Variants in NUP160 observed in about 807,000 individuals in gnomAD.
NUP160 encodes nucleoporin 160.
Under a neutral mutation model 196.9 loss-of-function variants are expected in NUP160, and 94 were observed. That is an observed-to-expected ratio of 0.48 (90% CI 0.40 to 0.57). The LOEUF (loss-of-function observed/expected upper bound fraction) is 0.57, where lower values mean the gene tolerates loss of function less well. Among genes scored for constraint, NUP160 ranks in the 20% least tolerant of loss-of-function variants. The pLI is 0.00. For synonymous variants in NUP160, 605 were observed against 619.7 expected (o/e 0.98, Z 0.35); for missense variants, 1,638 against 1,748.3 (o/e 0.94, Z 1.13).
exon 36 of NUP160, chr11:47,778,834 T>C (rs2097658994): frequency 3.7e-6 from 1 of 272,976 alleles, no homozygotes; most frequent in Non-Finnish European, 7.0e-6. Context: ...TTCGGTAGTT[T>C]AAAAAAATAT....
chr11:47,803,453 T>G, exon 22 of NUP160: 1 of 1,602,524 alleles, frequency 6.2e-7, no homozygotes, highest in Non-Finnish European at 8.6e-7. Context: ...GTCCTTCTCC[T>G]GTAACTAGGT....
intron 2 of NUP160, among the ~76,000 whole-genome samples, chr11:47,843,885 T>G (rs1465649030): frequency 6.6e-6 from 1 of 152,248 alleles, no homozygotes; most frequent in Non-Finnish European, 1.5e-5. Flanking sequence ...TCCTGACTAC[T>G]GTCTCAACAC....
chr11:47,841,426 T>A, intron 2 of NUP160: 1 of 453,708 alleles, frequency 2.2e-6, no homozygotes, highest in Non-Finnish European at 4.2e-6. Flanking sequence ...CTCCACTTGG[T>A]TCACAGGCGC....
Position 47,788,177 on chromosome 11 carries a change from C to A in NUP160, c.3746+5G>T. The A allele has an allele frequency of 1.9e-6, 3 of 1,606,054 alleles. No homozygotes were observed. The highest frequency in any genetic ancestry group is 1.7e-6 in the Non-Finnish European group (2 of 1,176,112). On this transcript the variant is annotated splice_donor_5th_base_variant and intron_variant, in intron 31 of 35. Coordinates refer to ENST00000378460, the Ensembl canonical transcript of NUP160. Reference sequence around the variant, plus strand: ...AAGACTATAAAAAAATAATTTTATACATACTTGAAGGCAAGCCCTTCAAAG... The same window carrying A: ...AAGACTATAAAAAAATAATTTTATAAATACTTGAAGGCAAGCCCTTCAAAG...
Position 47,840,084 on chromosome 11 carries a change from G to T in NUP160, c.526-19C>A, listed in dbSNP as rs1268830731. 6 of 1,566,988 alleles carry T rather than the reference G, an allele frequency of 3.8e-6. No individual in the cohort carries two copies. Among genetic ancestry groups the T allele is most frequent in the Non-Finnish European group, 5.3e-6 (6 of 1,139,394 alleles). ...CCAACTCCTGTTGAGTAATTAAAAA[G>T]AAAAATCTATTAAATCAAAATAACC... On this transcript the variant is annotated intron_variant, in intron 3 of 35. Transcript: ENST00000378460.
chr11:47,833,730 G>A (rs1239901121), intron 7 of NUP160, among the ~76,000 whole-genome samples: 2 of 152,130 alleles, frequency 1.3e-5, no homozygotes, highest in South Asian at 2.1e-4. Context: ...CTGGGAGGCC[G>A]AAGTGGGCAG....
chr11:47,803,366 G>A, intron 22 of NUP160, 72 bp downstream of exon 22: 1 of 909,302 alleles, frequency 1.1e-6, no homozygotes, highest in Non-Finnish European at 1.8e-6. Flanking sequence ...CTAAAACCTA[G>A]TCAAATGGAA....
chr11:47,827,748 A>G (rs1386541293), intron 7 of NUP160, among the ~76,000 whole-genome samples: 2 of 152,044 alleles, frequency 1.3e-5, no homozygotes, highest in Non-Finnish European at 2.9e-5. Context: ...TCTATTCAAC[A>G]TTGTACTAGA....
At chr11:47,847,954 C>T in exon 2 of NUP160, 1 of 1,613,494 alleles carries the variant, frequency 6.2e-7, no homozygotes, top group African/African-American at 1.3e-5. Flanking sequence ...ACGGCATTTG[C>T]AGTCCCTGCA....
Position 47,831,894 on chromosome 11 carries a change from C to CTTTTTTTTTTTTTTT in NUP160, c.1101+3742_1101+3756dup, listed in dbSNP as rs554204043. ...GAGACAGATCTGATCTAATAAATTC[C>CTTTTTTTTTTTTTTT]TTTTTTTTTTTTTTTTTTTTTTTTT... is the stretch of plus-strand genomic sequence containing the variant. On this transcript the variant is annotated intron_variant, in intron 7 of 35. Transcript: ENST00000378460. Among the ~76,000 whole-genome samples, 50 of 69,982 alleles carry CTTTTTTTTTTTTTTT rather than the reference C, an allele frequency of 7.1e-4. 2 individuals are homozygous for CTTTTTTTTTTTTTTT. Among genetic ancestry groups the CTTTTTTTTTTTTTTT allele is most frequent in the African/African-American group, 3.1e-3 (50 of 16,194 alleles). The allele number at this position is 69,982 out of a possible 152,430, so 45.9% of individuals were successfully genotyped here. A position where few individuals can be genotyped will look rare whatever the true frequency, so the allele number is the denominator to read the frequency against.
chr11:47,828,156 A>G (rs1837752760), intron 7 of NUP160, among the ~76,000 whole-genome samples: 1 of 152,230 alleles, frequency 6.6e-6, no homozygotes, highest in African/African-American at 2.4e-5. Flanking sequence ...GGTGTGAGCC[A>G]TTGTAATCAA....
chr11:47,806,146 A>T lies in NUP160; in HGVS notation c.2606+7T>A. 6.2e-7 allele frequency: 1 copy of T among 1,613,358 alleles called. No homozygotes were observed. The highest frequency in any genetic ancestry group is 8.5e-7 in the Non-Finnish European group (1 of 1,179,380). On this transcript the variant is annotated splice_region_variant and intron_variant, in intron 20 of 35. Transcript: ENST00000378460. ...AGCTTTTCACTGGCTTCTAAATAAA[A>T]GGATACAAAAGCTGCAATAAATAAC...
chr11:47,782,805 C>A (rs141085815), intron 34 of NUP160, among the ~76,000 whole-genome samples: 6 of 151,978 alleles, frequency 3.9e-5, no homozygotes, highest in African/African-American at 7.3e-5. Flanking sequence ...ATTACAGGTA[C>A]GTGCCACTGC....
In NUP160 at chr11:47,792,239, T is replaced by C. The variant is rs374037439; in HGVS notation, c.3451-249A>G. The stretch of plus-strand genomic sequence containing the variant: ...GGATTTGATCTCCATGTAAATCAAC[T>C]AATTTTTCTCGGCTCCAGAGTTATA... On this transcript the variant is annotated intron_variant, in intron 28 of 35. Coordinates refer to ENST00000378460, the Ensembl canonical transcript of NUP160. 8 of 405,270 alleles carry C rather than the reference T, an allele frequency of 2.0e-5. 1 individual carries two copies. The East Asian group carries it at 2.2e-4, about 11-fold the overall frequency. The allele number at this position is 405,270 out of a possible 1,614,324, so 25.1% of individuals were successfully genotyped here. A position where few individuals can be genotyped will look rare whatever the true frequency, so the allele number is the denominator to read the frequency against.
chr11:47,819,526 A>T, intron 9 of NUP160, 68 bp from the exon 10 acceptor site: 1 of 1,121,346 alleles, frequency 8.9e-7, no homozygotes, highest in South Asian at 1.2e-5. Flanking sequence ...TGCTGTTGGC[A>T]GTATCTGGGC....
At chr11:47,788,909 A>G (rs1257242120) in intron 29 of NUP160, among the ~76,000 whole-genome samples, 1 of 151,424 alleles carries the variant, frequency 6.6e-6, no homozygotes, top group Admixed American at 6.6e-5. Context: ...ACAAATCTCA[A>G]TCTGTCACCC....
chr11:47,780,381 C>G (rs2097659972), exon 35 of NUP160: 1 of 1,613,702 alleles, frequency 6.2e-7, no homozygotes, highest in Non-Finnish European at 8.5e-7. Context: ...TCTCCCAGAG[C>G]TTGGAGAAGC....
Position 47,783,210 on chromosome 11 carries a change from C to T in NUP160, c.3991-12G>A. 1 of 1,612,048 alleles carries T rather than the reference C, an allele frequency of 6.2e-7. No homozygotes were observed. Among genetic ancestry groups the T allele is most frequent in the Non-Finnish European group, 8.5e-7 (1 of 1,179,270 alleles). On this transcript the variant is annotated splice_polypyrimidine_tract_variant and intron_variant, in intron 33 of 35. Transcript: ENST00000378460. ...GCAGCATCAACCTTCTGTGAAAAGT[C>T]AGTGATTAAGAATATGTACCTATTT...
At chr11:47,816,011 C>T in exon 12 of NUP160, 1 of 1,613,336 alleles carries the variant, frequency 6.2e-7, no homozygotes, top group Non-Finnish European at 8.5e-7. Flanking sequence ...AAATTCCTCT[C>T]AGTTCCTCGG....
Sources: gnomAD v4.1 joint callset for allele counts (sites outside exome capture counted in the v4.1 genomes callset) on GRCh38, gnomAD v4.1.1 for gene constraint, MANE v1.5 for transcripts, NCBI Gene and HGNC (gene_info 2026-07-23, HGNC 2026-07-21) for gene names.